The following ZNF804A variants were observed in gnomAD, a reference collection of about 807,000 sequenced individuals.
ZNF804A encodes zinc finger protein 804A.
Under a neutral mutation model 16.5 loss-of-function variants are expected in ZNF804A, and 2 were observed. The observed-to-expected ratio is 0.12, with a 90% CI of 0.05 to 0.38. ZNF804A has a LOEUF of 0.38. ZNF804A is among the 10% of genes least tolerant of loss of function. The pLI is 0.99. For synonymous variants in ZNF804A, 534 were observed against 489.6 expected (o/e 1.09, Z -1.20); for missense variants, 1,473 against 1,390.7 (o/e 1.06, Z -0.94).
chr2:184,741,021 AATTGCAAATTTAGGGAGT>A (rs1279165730), intron 1 of ZNF804A, among the ~76,000 whole-genome samples: 1 of 152,190 alleles, frequency 6.6e-6, no homozygotes, highest in Non-Finnish European at 1.5e-5. Flanking sequence ...AAGTAATTTT[AATTGCAAATTTAGGGAGT>A]AATCTGCAAT....
chr2:184,908,449 G>A (rs1390885640), intron 2 of ZNF804A, among the ~76,000 whole-genome samples: 1 of 152,026 alleles, frequency 6.6e-6, no homozygotes, highest in Admixed American at 6.6e-5. Context: ...TTCTTTTAAG[G>A]TTCTTAAATT....
At chr2:184,638,695 A>C in intron 1 of ZNF804A, among the ~76,000 whole-genome samples, 1 of 152,196 alleles carries the variant, frequency 6.6e-6, no homozygotes, top group East Asian at 1.9e-4. Context: ...TCATAAAACC[A>C]TTTCCAATGT....
chr2:184,777,301 T>G (rs970853013), intron 1 of ZNF804A, among the ~76,000 whole-genome samples: 2 of 151,754 alleles, frequency 1.3e-5, no homozygotes, highest in African/African-American at 4.8e-5. Flanking sequence ...TTTCTGATGA[T>G]GCATACTTAC....
intron 1 of ZNF804A, among the ~76,000 whole-genome samples, chr2:184,775,928 C>T (rs1694278788): frequency 2.0e-5 from 3 of 151,670 alleles, no homozygotes; most frequent in East Asian, 1.9e-4. Flanking sequence ...ACTCTAACTA[C>T]GCTCCAGAAG....
chr2:184,686,487 C>A (rs1475282773), intron 1 of ZNF804A, among the ~76,000 whole-genome samples: 1 of 152,184 alleles, frequency 6.6e-6, no homozygotes, highest in African/African-American at 2.4e-5. Flanking sequence ...GCTATTGTGG[C>A]TAGCACAACA....
At chr2:184,827,585 T>C (rs1695186086) in intron 1 of ZNF804A, among the ~76,000 whole-genome samples, 2 of 150,422 alleles carry the variant, frequency 1.3e-5, no homozygotes, top group African/African-American at 4.9e-5. Context: ...TTGCTGTCAA[T>C]CTTTCCACCA....
chr2:184,831,826 T>C (rs1221857667), intron 1 of ZNF804A, among the ~76,000 whole-genome samples: 2 of 151,902 alleles, frequency 1.3e-5, no homozygotes, highest in South Asian at 4.1e-4. Flanking sequence ...AGTTTTACTT[T>C]CCATTGAAAA....
At chr2:184,745,940 C>T (rs578205702) in intron 1 of ZNF804A, among the ~76,000 whole-genome samples, 3 of 151,364 alleles carry the variant, frequency 2.0e-5, no homozygotes, top group Non-Finnish European at 4.4e-5. Context: ...TATTTTATGC[C>T]ATAAATACAA....
At chr2:184,722,243 TAA>T (rs1008839997) in intron 1 of ZNF804A, among the ~76,000 whole-genome samples, 8 of 152,078 alleles carry the variant, frequency 5.3e-5, no homozygotes, top group African/African-American at 1.9e-4. Context: ...GCAAATAATT[TAA>T]GAGTTGCTTA....
chr2:184,633,729 A>C (rs1462889472), intron 1 of ZNF804A, among the ~76,000 whole-genome samples: 10 of 152,206 alleles, frequency 6.6e-5, no homozygotes, highest in Non-Finnish European at 8.8e-5. Context: ...TAAACATAAA[A>C]TATGTAAATC....
chr2:184,767,906 T>A (rs1263037175), intron 1 of ZNF804A, among the ~76,000 whole-genome samples: 1 of 152,128 alleles, frequency 6.6e-6, no homozygotes, highest in Admixed American at 6.6e-5. Context: ...GCATTCTTTT[T>A]AATTTCTTCA....
intron 1 of ZNF804A, among the ~76,000 whole-genome samples, chr2:184,813,442 T>C (rs1418290356): frequency 1.3e-5 from 2 of 152,008 alleles, no homozygotes; most frequent in Admixed American, 6.6e-5. Flanking sequence ...TTTAAAGTAA[T>C]AGGAAATAGG....
chr2:184,747,321 C>CAAAAAAAA (rs397986917), intron 1 of ZNF804A, among the ~76,000 whole-genome samples: 1 of 78,088 alleles, frequency 1.3e-5, no homozygotes, highest in Non-Finnish European at 2.5e-5. Context: ...AATCTTGCTG[C>CAAAAAAAA]AAAAAAAAAA....
chr2:184,629,953 C>T (rs965745197), intron 1 of ZNF804A, among the ~76,000 whole-genome samples: 2 of 152,094 alleles, frequency 1.3e-5, no homozygotes, highest in African/African-American at 2.4e-5. Context: ...TCACCATACA[C>T]TATACATTTC....
At chr2:184,911,949 TG>T (rs1685366201) in intron 2 of ZNF804A, among the ~76,000 whole-genome samples, 1 of 151,972 alleles carries the variant, frequency 6.6e-6, no homozygotes, top group Non-Finnish European at 1.5e-5. Flanking sequence ...TAAAAATACT[TG>T]GATAAAATTG....
chr2:184,844,346 C>G, intron 1 of ZNF804A, among the ~76,000 whole-genome samples: 1 of 152,084 alleles, frequency 6.6e-6, no homozygotes, highest in Non-Finnish European at 1.5e-5. Flanking sequence ...TTCTACAACA[C>G]TTCTTACATC....
intron 1 of ZNF804A, among the ~76,000 whole-genome samples, chr2:184,623,395 T>C (rs973147006): frequency 6.6e-6 from 1 of 152,174 alleles, no homozygotes; most frequent in Non-Finnish European, 1.5e-5. Context: ...TTTAGAATGA[T>C]AATTAATAGG....
At chr2:184,741,920 C>T (rs927973180) in intron 1 of ZNF804A, among the ~76,000 whole-genome samples, 2 of 152,024 alleles carry the variant, frequency 1.3e-5, no homozygotes, top group African/African-American at 4.8e-5. Context: ...AAGCAAGTAA[C>T]ATTTTTCAAA....
At chr2:184,902,686 T>C (rs1685205979) in intron 2 of ZNF804A, 1 of 152,152 alleles carries the variant, frequency 6.6e-6, no homozygotes, top group Non-Finnish European at 1.5e-5. Context: ...TGGTCTCAAG[T>C]TCTGGTTGAG....
Sources: gnomAD v4.1 joint callset for allele counts (sites outside exome capture counted in the v4.1 genomes callset) on GRCh38, gnomAD v4.1.1 for gene constraint, MANE v1.5 for transcripts, NCBI Gene and HGNC (gene_info 2026-07-23, HGNC 2026-07-21) for gene names.